KMT2C: variants seen among roughly 807,000 people sequenced by gnomAD.
The protein encoded by KMT2C is histone-lysine N-methyltransferase 2C.
Under a neutral mutation model 507.9 loss-of-function variants are expected in KMT2C, and 88 were observed. The ratio of observed to expected loss-of-function variants is 0.17; its 90% confidence interval spans 0.15 to 0.21. The LOEUF is 0.21. Among genes scored for constraint, KMT2C ranks in the 10% least tolerant of loss-of-function variants. The probability of loss-of-function intolerance (pLI) is 1.00; values close to 1 mark genes in which losing one functional copy is unlikely to be tolerated. For synonymous variants in KMT2C, 2,049 were observed against 2,080.8 expected (o/e 0.98, Z 0.42); for missense variants, 4,954 against 5,957.8 (o/e 0.83, Z 5.55).
chr7:152,266,113 G>C (rs146401091), intron 7 of KMT2C, among the ~76,000 whole-genome samples: 2,316 of 152,190 alleles, frequency 0.015, 2 homozygotes, highest in Non-Finnish European at 0.024. Context: ...ATTTTTTGAA[G>C]GTTTGATCAT....
At chr7:152,363,546 G>A (rs1011413228) in intron 1 of KMT2C, among the ~76,000 whole-genome samples, 1 of 152,116 alleles carries the variant, frequency 6.6e-6, no homozygotes, top group Non-Finnish European at 1.5e-5. Context: ...ATAAGACACT[G>A]GGCAACAGGT....
Position 152,315,463 on chromosome 7 carries a change from A to G in KMT2C, c.390-125T>C. Reference sequence around the variant, plus strand: ...AAGCACAAGCTAAGCTTTTCAATCTATTTTCTACAGTCTATTCAGTGATTA... The same window carrying G: ...AAGCACAAGCTAAGCTTTTCAATCTGTTTTCTACAGTCTATTCAGTGATTA... On this transcript the variant is annotated intron_variant, in intron 3 of 58. Transcript: ENST00000262189. 4.6e-6 allele frequency: 3 copies of G among 654,522 alleles called. No individual in the cohort carries two copies. The East Asian group carries it at 8.1e-5, about 18-fold the overall frequency. 40.5% of individuals were successfully genotyped at this position (654,522 alleles called of 1,614,324 possible). A position where few individuals can be genotyped will look rare whatever the true frequency, so the allele number is the denominator to read the frequency against.
At chr7:152,279,572 A>G (rs201315820) in intron 6 of KMT2C, among the ~76,000 whole-genome samples, 33 of 152,348 alleles carry the variant, frequency 2.2e-4, no homozygotes, top group East Asian at 1.9e-3. Flanking sequence ...ATTATTCTGT[A>G]TATGAATTGA....
chr7:152,220,393 G>C lies in KMT2C; in HGVS notation c.3712+130C>G, dbSNP rs17173382. On this transcript the variant is annotated intron_variant, in intron 23 of 58. Transcript: ENST00000262189. ...AGATCACTCATTTGGAAATGGCAAG[G>C]GTCAGTCACATCAGGGGTTAACTAA... The C allele has an allele frequency of 2.3e-3, 1,679 of 728,296 alleles. 21 individuals carry two copies. In the African/African-American group the frequency reaches 0.027, roughly 12 times the overall value. 45.1% of individuals were successfully genotyped at this position (728,296 alleles called of 1,614,324 possible).
chr7:152,298,736 T>C (rs772107134), intron 6 of KMT2C, among the ~76,000 whole-genome samples: 1 of 152,212 alleles, frequency 6.6e-6, no homozygotes, highest in Non-Finnish European at 1.5e-5. Flanking sequence ...TGAGCAAACA[T>C]CTTTTAAATT....
At position 152,180,679 on chromosome 7, in the gene KMT2C, C is replaced by G. The variant is rs774792384; in HGVS notation, c.7149+32G>C. 6.1e-6 allele frequency: 9 copies of G among 1,473,106 alleles called. No homozygotes were observed. In the African/African-American group the frequency reaches 1.3e-4, roughly 21 times the overall value. The allele number at this position is 1,473,106 out of a possible 1,614,324, so 91.3% of individuals were successfully genotyped here. A position where few individuals can be genotyped will look rare whatever the true frequency, so the allele number is the denominator to read the frequency against. ...AAATGAACAGCTTCCTCAAATAATA[C>G]ATTTAAAACTGAGAACATACAATGT... On this transcript the variant is annotated intron_variant, in intron 36 of 58. Transcript: ENST00000262189.
intron 7 of KMT2C, among the ~76,000 whole-genome samples, chr7:152,266,181 A>T (rs1382029914): frequency 6.6e-6 from 1 of 152,102 alleles, no homozygotes; most frequent in Non-Finnish European, 1.5e-5. Context: ...CTATCATACC[A>T]ACCTTAGATA....
intron 4 of KMT2C, 73 bp from the exon 5 acceptor site, chr7:152,312,019 CA>C: frequency 8.6e-7 from 1 of 1,165,838 alleles, no homozygotes; most frequent in Non-Finnish European, 1.2e-6. Context: ...TGTTTAAATG[CA>C]ATGTACTGCC....
intron 16 of KMT2C, among the ~76,000 whole-genome samples, chr7:152,234,526 AGAG>A (rs913358768): frequency 5.9e-5 from 9 of 152,248 alleles, no homozygotes; most frequent in Admixed American, 5.9e-4. Flanking sequence ...AGAAAACTGA[AGAG>A]GAGAATATAC....
chr7:152,317,241 G>C (rs1458322280), intron 3 of KMT2C, among the ~76,000 whole-genome samples: 1 of 152,100 alleles, frequency 6.6e-6, no homozygotes, highest in East Asian at 1.9e-4. Context: ...TTTTAGAGAA[G>C]TACTTAAATT....
In KMT2C at chr7:152,181,408, G is replaced by C; in HGVS notation, c.6452C>G (p.Thr2151Arg). 2 of 1,614,064 alleles carry C rather than the reference G, an allele frequency of 1.2e-6. No individual in the cohort carries two copies. Among genetic ancestry groups the C allele is most frequent in the Non-Finnish European group, 1.7e-6 (2 of 1,180,018 alleles). ...GTAAGGGTCTGTATTGGACCTAGCT[G>C]TTCCTGAAGATTGGGAATAAGAATC... is the stretch of plus-strand genomic sequence containing the variant. Reference protein sequence around the residue: ...VVDSYSQSSGTARSNTDPYSQ... With the variant: ...VVDSYSQSSGRARSNTDPYSQ... Residue 2151 changes from threonine (T) to arginine (R), a missense_variant, in exon 36 of 59, where the codon ACA becomes AGA. By Grantham distance (71) the Thr-to-Arg change is moderately conservative. Transcript: ENST00000262189.
At position 152,248,523 on chromosome 7, in the gene KMT2C, A is replaced by C. The variant is rs142435055; in HGVS notation, c.1911T>G (p.Ile637Met). 2.5e-6 allele frequency: 4 copies of C among 1,613,880 alleles called. No homozygotes were observed. The African/African-American group carries it at 4.0e-5, about 16-fold the overall frequency. The change falls in exon 14 of 59, where the codon ATT becomes ATG. Residue 637 changes from isoleucine to methionine, a missense_variant. Transcript: ENST00000262189. Reference protein sequence around the residue: ...DLKMSSEVKHICGEDQIEDKM... With the variant: ...DLKMSSEVKHMCGEDQIEDKM... ...TATCTTCAATTTGATCTTCGCCACAAATATGCTTCACTTCAGAAGACATTT... is the reference window on the plus strand; with the variant it reads ...TATCTTCAATTTGATCTTCGCCACACATATGCTTCACTTCAGAAGACATTT...
At chr7:152,155,483 C>T (rs1284322177) in intron 46 of KMT2C, among the ~76,000 whole-genome samples, 3 of 152,172 alleles carry the variant, frequency 2.0e-5, no homozygotes, top group African/African-American at 4.8e-5. Context: ...CTTAAACTCT[C>T]TTCCACGACG....
At chr7:152,304,511 T>C (rs1439949287) in intron 6 of KMT2C, among the ~76,000 whole-genome samples, 1 of 152,194 alleles carries the variant, frequency 6.6e-6, no homozygotes, top group Non-Finnish European at 1.5e-5. Context: ...AAAATATCAA[T>C]ATAAATAGTT....
At position 152,181,217 on chromosome 7, in the gene KMT2C, A is replaced by C; in HGVS notation, c.6643T>G (p.Ser2215Ala). The stretch of plus-strand genomic sequence containing the variant: ...GCTGGTGGCTGAGAGTAAGGGACAG[A>C]AATTCCAGGTCTTGGTGTTCCAGGA... Reference protein sequence around the residue: ...HPPGTPRPGISVPYSQPPATP... With the variant: ...HPPGTPRPGIAVPYSQPPATP... The change falls in exon 36 of 59, where the codon TCT becomes GCT. Residue 2215 changes from serine to alanine, a missense_variant. Coordinates refer to ENST00000262189, the MANE Select transcript of KMT2C (RefSeq NM_170606.3). The C allele has an allele frequency of 6.2e-7, 1 of 1,614,118 alleles. No homozygotes were observed. The highest frequency in any genetic ancestry group is 8.5e-7 in the Non-Finnish European group (1 of 1,180,034).
chr7:152,199,225 G>T (rs928390017), intron 27 of KMT2C, 54 bp downstream of exon 27: 1 of 1,368,852 alleles, frequency 7.3e-7, no homozygotes, highest in South Asian at 1.4e-5. Flanking sequence ...TTAACTGAAA[G>T]GAAGATGTAT....
Position 152,152,768 on chromosome 7 carries a change from G to A in KMT2C, c.12463C>T (p.Pro4155Ser), listed in dbSNP as rs771799416. The A allele has an allele frequency of 3.6e-5, 58 of 1,614,082 alleles. No homozygotes were observed. The highest frequency in any genetic ancestry group is 4.6e-5 in the Non-Finnish European group (54 of 1,180,058). Residue 4155 changes from proline (P) to serine (S), a missense_variant, in exon 49 of 59, where the codon CCC becomes TCC. Pro to Ser is a moderately conservative substitution (Grantham distance 74). This residue lies in a region of KMT2C where 417 missense variants were observed against 461.1 expected (regional missense o/e 0.90). Coordinates refer to ENST00000262189, the MANE Select transcript of KMT2C (RefSeq NM_170606.3). The part of the protein sequence containing the change: ...RGPPPGSANP[P>S]RLVSSYRLKQ... The stretch of plus-strand genomic sequence containing the variant: ...AGCCGGTAAGAGCTCACTAATCTGG[G>A]AGGGTTTGCAGATCCTGGCGGAGGC...
At chr7:152,264,320 A>G (rs1270974594) in intron 8 of KMT2C, among the ~76,000 whole-genome samples, 1 of 152,316 alleles carries the variant, frequency 6.6e-6, no homozygotes, top group African/African-American at 2.4e-5. Flanking sequence ...CAGCCTGTAA[A>G]TGAAGATACT....
chr7:152,274,756 C>T (rs1180728982), intron 6 of KMT2C, among the ~76,000 whole-genome samples: 1 of 152,152 alleles, frequency 6.6e-6, no homozygotes, highest in East Asian at 1.9e-4. Context: ...TTTGTTTACA[C>T]CATTACATGG....
Sources: allele counts gnomAD v4.1 joint callset (sites outside exome capture counted in the v4.1 genomes callset), GRCh38; gene constraint gnomAD v4.1.1; regional missense constraint gnomAD v4.1.1; transcripts MANE v1.5; gene names NCBI Gene and HGNC (gene_info 2026-07-23, HGNC 2026-07-21).